GINM1: variants seen among roughly 807,000 people sequenced by gnomAD.
GINM1 encodes glycoprotein integral membrane protein 1.
Under a neutral mutation model 37.8 loss-of-function variants are expected in GINM1, and 29 were observed. That is an observed-to-expected ratio of 0.77 (90% CI 0.57 to 1.05). The LOEUF (loss-of-function observed/expected upper bound fraction) is 1.05, where lower values mean the gene tolerates loss of function less well. GINM1 is among the 50% of genes least tolerant of loss of function. The pLI is 0.00. For synonymous variants in GINM1, 143 were observed against 146.2 expected (o/e 0.98, Z 0.16); for missense variants, 377 against 397.9 (o/e 0.95, Z 0.45).
chr6:149,574,174 C>A (rs563866472), intron 3 of GINM1, among the ~76,000 whole-genome samples: 1 of 151,858 alleles, frequency 6.6e-6, no homozygotes, highest in East Asian at 1.9e-4. Context: ...CCTCAGCCTC[C>A]CGAGTAGCTT....
At chr6:149,576,433 T>G (rs962116367) in intron 3 of GINM1, 1 of 152,134 alleles carries the variant, frequency 6.6e-6, no homozygotes, top group Admixed American at 6.5e-5. Context: ...ATTCCATCAC[T>G]TGGGCTATGC....
intron 3 of GINM1, chr6:149,577,304 C>G (rs1163626884): frequency 1.3e-5 from 2 of 152,222 alleles, no homozygotes; most frequent in Non-Finnish European, 2.9e-5. Context: ...TGCTGTTCCA[C>G]GAAGGAGACC....
At chr6:149,569,969 C>T (rs1562269707) in intron 1 of GINM1, among the ~76,000 whole-genome samples, 1 of 151,584 alleles carries the variant, frequency 6.6e-6, no homozygotes, top group East Asian at 2.0e-4. Context: ...TATGACCTGG[C>T]TCTGAACTCC....
intron 1 of GINM1, among the ~76,000 whole-genome samples, chr6:149,571,112 G>T (rs1049091378): frequency 6.6e-6 from 1 of 151,868 alleles, no homozygotes; most frequent in African/African-American, 2.4e-5. Context: ...TCGGGAGTTC[G>T]CAACCAGCCT....
At chr6:149,590,369 G>A (rs1341947891) in intron 7 of GINM1, among the ~76,000 whole-genome samples, 1 of 152,192 alleles carries the variant, frequency 6.6e-6, no homozygotes, top group Non-Finnish European at 1.5e-5. Flanking sequence ...ACTATCTAAA[G>A]ACCTAAGGTT....
rs1137086 is a variant in GINM1 at position 149,582,461 on chromosome 6, A to G, written c.739A>G (p.Lys247Glu). The G allele has an allele frequency of 0.038, 60,607 of 1,605,722 alleles. 1,325 individuals carry two copies. Among genetic ancestry groups the G allele is most frequent in the Non-Finnish European group, 0.044 (51,824 of 1,177,922 alleles). The change falls in exon 7 of 8, where the codon AAG (lysine) becomes GAG (glutamate). Residue 247 changes from lysine (K) to glutamate (E), a missense_variant. Transcript: ENST00000367419. ...SYKVMCQWME[K>E]FRKDLCRFWS... The stretch of plus-strand genomic sequence containing the variant: ...TCAGGTAATGTGTCAGTGGATGGAA[A>G]AGTTTAGAAAAGATCTGTGTAGGTT...
intron 1 of GINM1, among the ~76,000 whole-genome samples, chr6:149,571,632 G>GGATA (rs1777823809): frequency 6.6e-6 from 1 of 151,980 alleles, no homozygotes; most frequent in South Asian, 2.1e-4. Context: ...CCTTCTGGGG[G>GGATA]GATAGAGGGC....
chr6:149,573,095 G>C (rs1022494580), intron 3 of GINM1, among the ~76,000 whole-genome samples: 1 of 152,148 alleles, frequency 6.6e-6, no homozygotes, highest in African/African-American at 2.4e-5. Flanking sequence ...GGCCGAGGTG[G>C]GCAGATCACG....
intron 3 of GINM1, among the ~76,000 whole-genome samples, chr6:149,577,123 T>G (rs1049484213): frequency 4.1e-4 from 63 of 152,298 alleles, no homozygotes; most frequent in African/African-American, 1.5e-3. Context: ...CCTCCAACAT[T>G]GGGAATTACA....
At chr6:149,588,341 C>T (rs1778104007) in intron 7 of GINM1, among the ~76,000 whole-genome samples, 1 of 152,156 alleles carries the variant, frequency 6.6e-6, no homozygotes, top group South Asian at 2.1e-4. Flanking sequence ...TCATGACTTG[C>T]TTACGTAGAG....
rs1300272925 is a variant in GINM1, at chr6:149,591,077, G to A, written c.*239G>A. 2.3e-5 allele frequency: 9 copies of A among 385,498 alleles called. No individual in the cohort carries two copies. The highest frequency in any genetic ancestry group is 1.7e-4 in the Admixed American group (4 of 22,950). The allele number at this position is 385,498 out of a possible 1,614,324, so 23.9% of individuals were successfully genotyped here. ...TGGGAGGCCAATGCGGGCGGATCAC[G>A]AGGTCAGATCAAGACCATCCTGCCA... On this transcript the variant is annotated 3_prime_UTR_variant, in exon 8 of 8. Coordinates refer to ENST00000367419, the MANE Select transcript of GINM1 (RefSeq NM_138785.5).
chr6:149,583,890 T>C (rs1778035077), intron 7 of GINM1, among the ~76,000 whole-genome samples: 1 of 152,196 alleles, frequency 6.6e-6, no homozygotes, highest in Non-Finnish European at 1.5e-5. Flanking sequence ...GACTTCCTTT[T>C]GTATATTTTT....
chr6:149,588,809 T>C (rs1778111289), intron 7 of GINM1, among the ~76,000 whole-genome samples: 1 of 151,824 alleles, frequency 6.6e-6, no homozygotes, highest in South Asian at 2.1e-4. Flanking sequence ...TTGTTGTTGT[T>C]GTTGTTGTTG....
In GINM1 at chr6:149,566,500, C is replaced by T; in HGVS notation, c.86C>T (p.Ala29Val). ...LPASGWLTTG[A>V]PEPPPLSGAP... ...GCCTCCGGCTGGCTGACGACGGGCG[C>T]CCCCGAGCCGCCGCCGCTGTCCGGA... Residue 29 changes from alanine to valine, a missense_variant, in exon 1 of 8, where the codon GCC (alanine) becomes GTC (valine). Transcript: ENST00000367419. This position sits in a 1 kb window ranked among gnomAD's most constrained non-coding sequence, Gnocchi z 4.4. 2.0e-6 allele frequency: 3 copies of T among 1,537,296 alleles called. No homozygotes were observed. The highest frequency in any genetic ancestry group is 2.4e-5 in the South Asian group (2 of 83,868).
chr6:149,566,556 T>A lies in GINM1; in HGVS notation c.120+22T>A. ...ACAGGTAGGGCAGGGCGGGCCTGGC[T>A]GGCCGCTTTACGACTCCGACTCTCC... is the stretch of plus-strand genomic sequence containing the variant. On this transcript the variant is annotated intron_variant, in intron 1 of 7. Transcript: ENST00000367419. This position sits in a 1 kb window ranked among gnomAD's most constrained non-coding sequence, Gnocchi z 4.4. 6.8e-7 allele frequency: 1 copy of A among 1,478,252 alleles called. No homozygotes were observed. Among genetic ancestry groups the A allele is most frequent in the Middle Eastern group, 1.8e-4 (1 of 5,420 alleles). The allele number at this position is 1,478,252 out of a possible 1,614,324, so 91.6% of individuals were successfully genotyped here. A position where few individuals can be genotyped will look rare whatever the true frequency, so the allele number is the denominator to read the frequency against.
chr6:149,570,278 G>A (rs1680233833), intron 1 of GINM1, among the ~76,000 whole-genome samples: 1 of 148,382 alleles, frequency 6.7e-6, no homozygotes, highest in Admixed American at 6.8e-5. Context: ...AACAACATTG[G>A]AGGCTTACTT....
intron 1 of GINM1, among the ~76,000 whole-genome samples, chr6:149,572,075 C>CAAAA (rs1554219221): frequency 3.3e-5 from 4 of 121,642 alleles, no homozygotes; most frequent in East Asian, 3.8e-4. Context: ...GTGAGACTCT[C>CAAAA]AAAAAATAAA....
chr6:149,569,973 G>C (rs1271800217), intron 1 of GINM1, among the ~76,000 whole-genome samples: 1 of 151,618 alleles, frequency 6.6e-6, no homozygotes, highest in African/African-American at 2.4e-5. Context: ...ACCTGGCTCT[G>C]AACTCCTGGC....
intron 1 of GINM1, among the ~76,000 whole-genome samples, chr6:149,570,174 A>T (rs1333201658): frequency 2.2e-5 from 2 of 89,738 alleles, no homozygotes; most frequent in African/African-American, 8.3e-5. Flanking sequence ...ATATATATAT[A>T]TATATATATA....
Sources: allele counts gnomAD v4.1 joint callset (sites outside exome capture counted in the v4.1 genomes callset), GRCh38; gene constraint gnomAD v4.1.1; non-coding constraint Gnocchi (gnomAD v3.1); transcripts MANE v1.5; gene names NCBI Gene and HGNC (gene_info 2026-07-23, HGNC 2026-07-21).